Variants in TUSC3 observed in about 807,000 individuals in gnomAD.
TUSC3 encodes dolichyl-diphosphooligosaccharide--protein glycosyltransferase subunit TUSC3.
A neutral mutation model predicts 44.8 loss-of-function variants in TUSC3; 45 were observed. That is an observed-to-expected ratio of 1.00 (90% confidence interval 0.79 to 1.29). The LOEUF (loss-of-function observed/expected upper bound fraction) is 1.29, where lower values mean the gene tolerates loss of function less well. TUSC3 is among the 50% of genes most tolerant of loss of function. The pLI is 0.00. For missense variants in TUSC3, 519 were observed against 437.9 expected, an observed-to-expected ratio of 1.19 and a Z score of -1.65; for synonymous variants, 212 against 152.9, an observed-to-expected ratio of 1.39 and a Z score of -2.85.
intron 1 of TUSC3, among the ~76,000 whole-genome samples, chr8:15,570,953 A>ATTTTTTTTTTTTTT (rs1491358652): frequency 4.1e-5 from 1 of 24,348 alleles, no homozygotes; most frequent in Non-Finnish European, 1.4e-4. Context: ...ATTGCCTATT[A>ATTTTTTTTTTTTTT]GTTTTTTTTT....
rs142900699 is a variant in TUSC3 at position 15,481,071 on chromosome 8, A to G, written n.92-2315A>G. 8.1e-3 allele frequency among the ~76,000 whole-genome samples: 1,230 copies of G among 152,064 alleles called. 23 individuals carry two copies. Among genetic ancestry groups the G allele is most frequent in the Middle Eastern group, 0.048 (14 of 294 alleles). On this transcript the variant is annotated intron_variant and non_coding_transcript_variant, in intron 1 of 5. Coordinates refer to the TUSC3 transcript ENST00000503191. ...GAGACCAGCCTGACCAACGTGGAGA[A>G]ACCCTGTCTCTACTAAAAAATACAA...
chr8:15,629,560 T>C (rs1170856895), intron 2 of TUSC3, among the ~76,000 whole-genome samples: 1 of 151,200 alleles, frequency 6.6e-6, no homozygotes, highest in Non-Finnish European at 1.5e-5. Flanking sequence ...CTTGTTTTTT[T>C]TTTTTTTTTT....
intron 1 of TUSC3, among the ~76,000 whole-genome samples, chr8:15,443,741 G>C (rs141050159): frequency 1.6e-4 from 25 of 152,304 alleles, no homozygotes; most frequent in Non-Finnish European, 2.9e-4. Context: ...TGGTTTAGGA[G>C]TCACGCAGCT....
chr8:15,807,222 T>A, the TUSC3 span: 1 of 686,176 alleles, frequency 1.5e-6, no homozygotes, highest in South Asian at 1.5e-5. Flanking sequence ...GTATCGCAAC[T>A]AATTACCCCA....
chr8:15,555,221 T>A (rs1205194890), intron 1 of TUSC3, among the ~76,000 whole-genome samples: 2 of 140,932 alleles, frequency 1.4e-5, no homozygotes, highest in African/African-American at 2.7e-5. Context: ...TGATCTTGGC[T>A]TACTGCAACC....
intron 9 of TUSC3, among the ~76,000 whole-genome samples, chr8:15,749,251 T>G (rs1811585155): frequency 6.6e-6 from 1 of 152,188 alleles, no homozygotes. Flanking sequence ...ACCAGTGATA[T>G]GTTGATAGAA....
intron 1 of TUSC3, among the ~76,000 whole-genome samples, chr8:15,604,132 G>A (rs1804420976): frequency 1.3e-5 from 2 of 151,624 alleles, no homozygotes; most frequent in East Asian, 1.9e-4. Context: ...TGAATTAAAA[G>A]TTTCAGTATG....
chr8:15,769,956 CTG>C (rs1284368728), downstream of TUSC3, among the ~76,000 whole-genome samples: 4 of 152,180 alleles, frequency 2.6e-5, no homozygotes, highest in Admixed American at 6.5e-5. Context: ...TGCTTTTACA[CTG>C]TTGGTGGGAG....
At chr8:15,802,391 T>C in the TUSC3 span, among the ~76,000 whole-genome samples, 1 of 152,128 alleles carries the variant, frequency 6.6e-6, no homozygotes, top group Non-Finnish European at 1.5e-5. Context: ...ATTATGAAAA[T>C]TGTATATAGG....
At chr8:15,619,508 T>TC (rs1805147184) in intron 1 of TUSC3, among the ~76,000 whole-genome samples, 1 of 151,996 alleles carries the variant, frequency 6.6e-6, no homozygotes, top group Admixed American at 6.6e-5. Context: ...TTTTTTTTTT[T>TC]CCAGTCGAAG....
At chr8:15,521,193 T>C (rs1366597057) in intron 2 of TUSC3, among the ~76,000 whole-genome samples, 3 of 152,312 alleles carry the variant, frequency 2.0e-5, no homozygotes, top group African/African-American at 7.2e-5. Flanking sequence ...TTATGTATAA[T>C]GGAACTGTTT....
intron 1 of TUSC3, among the ~76,000 whole-genome samples, chr8:15,476,865 C>T (rs958302994): frequency 5.3e-5 from 8 of 152,178 alleles, no homozygotes; most frequent in African/African-American, 1.7e-4. Context: ...TTTTCACAAC[C>T]AATGACAGGC....
chr8:15,843,407 A>G, the TUSC3 span, among the ~76,000 whole-genome samples: 67 of 152,220 alleles, frequency 4.4e-4, no homozygotes, highest in African/African-American at 1.5e-3. Flanking sequence ...GCAGAATGTT[A>G]TTTAACTCTT....
the TUSC3 span, among the ~76,000 whole-genome samples, chr8:15,827,767 G>C: frequency 6.6e-6 from 1 of 152,050 alleles, no homozygotes; most frequent in Non-Finnish European, 1.5e-5. Context: ...ACTGATAACT[G>C]ATTTGGATAA....
the TUSC3 span, among the ~76,000 whole-genome samples, chr8:15,787,886 A>C: frequency 6.6e-6 from 1 of 152,238 alleles, no homozygotes; most frequent in East Asian, 1.9e-4. Context: ...TTTATTAAGA[A>C]ATGTCATCAT....
At chr8:15,540,155 G>A, upstream of TUSC3, 1 of 410,930 alleles carries the variant, frequency 2.4e-6, no homozygotes, top group Non-Finnish European at 4.3e-6. Flanking sequence ...CAAGCTCCGG[G>A]CGGGAGCGCA....
At chr8:15,662,613 AATTCAGCTATTTCTGAATTTCTC>A (rs1157922203) in intron 5 of TUSC3, among the ~76,000 whole-genome samples, 6 of 151,972 alleles carry the variant, frequency 3.9e-5, no homozygotes, top group Non-Finnish European at 8.8e-5. Context: ...ATGGTTTGGA[AATTCAGCTATTTCTGAATTTCTC>A]ATTCAGCTAT....
chr8:15,596,998 A>G (rs569519836), intron 1 of TUSC3, among the ~76,000 whole-genome samples: 2 of 152,272 alleles, frequency 1.3e-5, no homozygotes, highest in East Asian at 3.9e-4. Context: ...AAAGTTAATA[A>G]TTAGTTGTGG....
intron 6 of TUSC3, among the ~76,000 whole-genome samples, chr8:15,717,472 T>C (rs887038331): frequency 6.6e-6 from 1 of 152,228 alleles, no homozygotes; most frequent in Non-Finnish European, 1.5e-5. Context: ...CAATCATATC[T>C]ATCTCCAGAC....
Sources: gnomAD v4.1 joint callset for allele counts (sites outside exome capture counted in the v4.1 genomes callset) on GRCh38, gnomAD v4.1.1 for gene constraint, MANE v1.5 for transcripts, NCBI Gene and HGNC (gene_info 2026-07-23, HGNC 2026-07-21) for gene names.